The following TSPAN5 variants were observed in gnomAD, a reference collection of about 807,000 sequenced individuals.
The protein encoded by TSPAN5 is tetraspanin-5.
A neutral mutation model predicts 37.1 loss-of-function variants in TSPAN5; 10 were observed. The observed-to-expected ratio is 0.27, with a 90% confidence interval of 0.17 to 0.46. TSPAN5 has a LOEUF of 0.46. TSPAN5 is among the 20% of genes least tolerant of loss of function. TSPAN5 has a pLI of 1.00. For synonymous variants in TSPAN5, 110 were observed against 118.9 expected, an observed-to-expected ratio of 0.93 and a Z score of 0.48; for missense variants, 195 against 326.6, an observed-to-expected ratio of 0.60 and a Z score of 3.11.
At chr4:98,583,476 G>A (rs893702448) in intron 1 of TSPAN5, among the ~76,000 whole-genome samples, 4 of 151,986 alleles carry the variant, frequency 2.6e-5, no homozygotes, top group Non-Finnish European at 5.9e-5. Context: ...TGTGTTCTCA[G>A]CATTTAACGC....
intron 2 of TSPAN5, among the ~76,000 whole-genome samples, chr4:98,489,381 CA>C (rs1753037956): frequency 6.6e-6 from 1 of 152,136 alleles, no homozygotes; most frequent in South Asian, 2.1e-4. Flanking sequence ...AAGAAATTGT[CA>C]AATCATATAT....
chr4:98,602,414 C>G (rs533683619), intron 1 of TSPAN5, among the ~76,000 whole-genome samples: 1 of 152,294 alleles, frequency 6.6e-6, no homozygotes, highest in Admixed American at 6.5e-5. Context: ...AAGGAGGAAG[C>G]CTGTGGTATA....
intron 2 of TSPAN5, among the ~76,000 whole-genome samples, chr4:98,493,488 A>G (rs916308184): frequency 6.6e-6 from 1 of 152,226 alleles, no homozygotes; most frequent in Non-Finnish European, 1.5e-5. Flanking sequence ...TAGTTGACAT[A>G]TGAAAGTGAG....
chr4:98,617,475 G>T (rs1160670424), intron 1 of TSPAN5, among the ~76,000 whole-genome samples: 2 of 152,176 alleles, frequency 1.3e-5, no homozygotes, highest in Non-Finnish European at 2.9e-5. Context: ...GGAGGCTAAT[G>T]TCAAAGGGGA....
chr4:98,489,081 T>C (rs1284530384), intron 2 of TSPAN5, among the ~76,000 whole-genome samples: 1 of 152,076 alleles, frequency 6.6e-6, no homozygotes, highest in Non-Finnish European at 1.5e-5. Context: ...TAAAAGACTT[T>C]AAGCTTAATT....
intron 1 of TSPAN5, among the ~76,000 whole-genome samples, chr4:98,512,675 T>C (rs1753636771): frequency 6.6e-6 from 1 of 152,248 alleles, no homozygotes; most frequent in Non-Finnish European, 1.5e-5. Flanking sequence ...TCTTCCTTGC[T>C]GAACCTCCAA....
intron 1 of TSPAN5, among the ~76,000 whole-genome samples, chr4:98,608,859 G>A (rs1756105789): frequency 6.6e-6 from 1 of 152,144 alleles, no homozygotes. Flanking sequence ...TCAGAGAGAT[G>A]TTCGTTTCTT....
chr4:98,558,800 G>A (rs767288815), intron 1 of TSPAN5, among the ~76,000 whole-genome samples: 1 of 152,184 alleles, frequency 6.6e-6, no homozygotes. Context: ...ACTGTGGATA[G>A]GCCAGAGTCT....
At position 98,549,302 on chromosome 4, in the gene TSPAN5, G is replaced by GT. The variant is rs1236454299; in HGVS notation, c.82-41575dup. On this transcript the variant is annotated intron_variant, in intron 1 of 7. Coordinates refer to ENST00000305798, the MANE Select transcript of TSPAN5 (RefSeq NM_005723.4). ...TATTTTTGTTTGTTTGTTTGTTTTT[G>GT]TTTTTTTTTGTTTTTTTTGAGGCAG... 1.3e-3 allele frequency among the ~76,000 whole-genome samples: 151 copies of GT among 116,278 alleles called. 2 individuals are homozygous for GT. The highest frequency in any genetic ancestry group is 8.0e-3 in the East Asian group (33 of 4,116). The allele number at this position is 116,278 out of a possible 152,430, so 76.3% of individuals were successfully genotyped here.
intron 1 of TSPAN5, among the ~76,000 whole-genome samples, chr4:98,638,167 C>T (rs1756896651): frequency 6.6e-6 from 1 of 152,160 alleles, no homozygotes; most frequent in East Asian, 1.9e-4. Context: ...GTTCTCCTGC[C>T]CCTGCCACCA....
chr4:98,634,033 G>A (rs186929522), intron 1 of TSPAN5, among the ~76,000 whole-genome samples: 1 of 151,668 alleles, frequency 6.6e-6, no homozygotes, highest in East Asian at 1.9e-4. Flanking sequence ...GAGTGGAGAT[G>A]GCACCACTGC....
intron 1 of TSPAN5, among the ~76,000 whole-genome samples, chr4:98,528,596 T>C (rs891018476): frequency 2.0e-5 from 3 of 152,162 alleles, no homozygotes; most frequent in African/African-American, 7.2e-5. Flanking sequence ...TTAGACCTCA[T>C]ACTTAACCCA....
intron 1 of TSPAN5, among the ~76,000 whole-genome samples, chr4:98,556,043 A>C (rs117342327): frequency 0.6 from 37,012 of 61,590 alleles, 11,474 homozygotes; most frequent in South Asian, 0.73. Context: ...CAGCACCCCC[A>C]CACACACACA....
At chr4:98,574,487 TC>T (rs1409937309) in intron 1 of TSPAN5, 2 of 152,192 alleles carry the variant, frequency 1.3e-5, no homozygotes, top group Admixed American at 6.5e-5. Flanking sequence ...AATGAATGTT[TC>T]CAGTCTAACA....
chr4:98,578,319 C>T (rs1251592560), intron 1 of TSPAN5, among the ~76,000 whole-genome samples: 1 of 152,170 alleles, frequency 6.6e-6, no homozygotes, highest in East Asian at 1.9e-4. Flanking sequence ...TGAAAGTAAT[C>T]GTGGAATGAT....
At chr4:98,597,924 A>C in intron 1 of TSPAN5, among the ~76,000 whole-genome samples, 1 of 91,442 alleles carries the variant, frequency 1.1e-5, no homozygotes, top group Non-Finnish European at 2.0e-5. Context: ...GGTGGAGCCT[A>C]CAGAGGCAGG....
intron 4 of TSPAN5, 77 bp downstream of exon 4, chr4:98,481,928 A>T: frequency 7.5e-6 from 11 of 1,471,850 alleles, no homozygotes; most frequent in Non-Finnish European, 1.0e-5. Flanking sequence ...GCAGATGCAG[A>T]AACCAGGAGG....
chr4:98,622,454 T>C (rs746429705), intron 1 of TSPAN5, among the ~76,000 whole-genome samples: 2 of 152,242 alleles, frequency 1.3e-5, no homozygotes, highest in South Asian at 2.1e-4. Context: ...TGATGAGTCA[T>C]ATGGTAATTC....
intron 1 of TSPAN5, among the ~76,000 whole-genome samples, chr4:98,612,886 C>A (rs116232593): frequency 3.3e-5 from 5 of 152,228 alleles, no homozygotes; most frequent in African/African-American, 9.6e-5. Flanking sequence ...TTCCTCAGAG[C>A]GGCCTTCCCG....
Sources: allele counts gnomAD v4.1 joint callset (sites outside exome capture counted in the v4.1 genomes callset), GRCh38; gene constraint gnomAD v4.1.1; transcripts MANE v1.5; gene names NCBI Gene and HGNC (gene_info 2026-07-23, HGNC 2026-07-21).